Variants in UBASH3B observed in about 807,000 individuals in gnomAD.
UBASH3B encodes ubiquitin associated and SH3 domain containing B, also known as ubiquitin-associated and SH3 domain-containing protein B.
Under a neutral mutation model 83.4 loss-of-function variants are expected in UBASH3B, and 37 were observed. That is an observed-to-expected ratio of 0.44 (90% CI 0.34 to 0.58). The LOEUF is 0.58. Among genes scored for constraint, UBASH3B ranks in the 20% least tolerant of loss-of-function variants. The probability of loss-of-function intolerance (pLI) is 0.01; values close to 1 mark genes in which losing one functional copy is unlikely to be tolerated. For synonymous variants in UBASH3B, 304 were observed against 318.3 expected (o/e 0.96, Z 0.48); for missense variants, 657 against 827.2 (o/e 0.79, Z 2.52).
intron 1 of UBASH3B, among the ~76,000 whole-genome samples, chr11:122,656,450 G>A (rs1355212008): frequency 1.3e-5 from 2 of 152,114 alleles, no homozygotes; most frequent in African/African-American, 4.8e-5. Flanking sequence ...CCTAAAGCTG[G>A]GGGACGAGGG....
chr11:122,724,574 G>A (rs142067015), intron 1 of UBASH3B, among the ~76,000 whole-genome samples: 2 of 140,714 alleles, frequency 1.4e-5, no homozygotes, highest in Non-Finnish European at 3.2e-5. Context: ...ACAGAGGAGC[G>A]GCCAGCTGTG....
intron 1 of UBASH3B, among the ~76,000 whole-genome samples, chr11:122,666,104 G>A (rs1033241985): frequency 1.3e-5 from 2 of 152,240 alleles, no homozygotes; most frequent in Non-Finnish European, 2.9e-5. Flanking sequence ...GGGGGAAGCC[G>A]ACTGCACAGA....
chr11:122,748,708 G>T (rs1360824196), intron 1 of UBASH3B, among the ~76,000 whole-genome samples: 1 of 152,138 alleles, frequency 6.6e-6, no homozygotes, highest in Non-Finnish European at 1.5e-5. Flanking sequence ...CCATCCAAGG[G>T]TCGCAGTGAC....
Position 122,683,380 on chromosome 11 carries a change from C to T in UBASH3B, c.161+27170C>T, listed in dbSNP as rs1032410600. On this transcript the variant is annotated intron_variant, in intron 1 of 13. Coordinates refer to ENST00000284273, the MANE Select transcript of UBASH3B (RefSeq NM_032873.5). ...CTGTAATCCCAGCAGTGTGGGAGGC[C>T]AAGGCGGGCAGATCGCTTGAGGTCA... Among the ~76,000 whole-genome samples, 5 of 151,950 alleles carry T rather than the reference C, an allele frequency of 3.3e-5. No individual in the cohort carries two copies. In the East Asian group the frequency reaches 9.7e-4, roughly 29 times the overall value.
intron 1 of UBASH3B, among the ~76,000 whole-genome samples, chr11:122,741,786 C>T (rs559045827): frequency 6.6e-6 from 1 of 152,274 alleles, no homozygotes; most frequent in South Asian, 2.1e-4. Context: ...CTTCTGGAGT[C>T]AGCAACCCTC....
chr11:122,751,221 A>G (rs1271315480), intron 1 of UBASH3B, among the ~76,000 whole-genome samples: 72 of 152,234 alleles, frequency 4.7e-4, no homozygotes. Flanking sequence ...GAAAAATTAG[A>G]TATTATTTCA....
chr11:122,777,256 C>A (rs1860754107), intron 3 of UBASH3B, 46 bp downstream of exon 3: 3 of 1,556,426 alleles, frequency 1.9e-6, no homozygotes, highest in Non-Finnish European at 1.7e-6. Context: ...CTCCTAGGAT[C>A]CCAGCCGGCC....
chr11:122,751,629 C>G (rs757660201), intron 1 of UBASH3B, among the ~76,000 whole-genome samples: 2 of 152,234 alleles, frequency 1.3e-5, no homozygotes, highest in East Asian at 3.8e-4. Flanking sequence ...TGGCTGCAAC[C>G]TGTTCTCCCC....
intron 1 of UBASH3B, among the ~76,000 whole-genome samples, chr11:122,745,914 C>G (rs529759044): frequency 1.3e-5 from 2 of 152,326 alleles, no homozygotes; most frequent in South Asian, 4.1e-4. Context: ...CACAGCATTA[C>G]GATTATTTGC....
chr11:122,689,615 A>G (rs1392591129), intron 1 of UBASH3B, among the ~76,000 whole-genome samples: 1 of 152,160 alleles, frequency 6.6e-6, no homozygotes, highest in African/African-American at 2.4e-5. Context: ...GACACCAGCT[A>G]GTATCCTCCA....
At chr11:122,780,053 C>G (rs1257860321) in intron 4 of UBASH3B, among the ~76,000 whole-genome samples, 1 of 152,180 alleles carries the variant, frequency 6.6e-6, no homozygotes, top group Non-Finnish European at 1.5e-5. Flanking sequence ...CTCCCAAGCT[C>G]CCGCCCATGT....
intron 1 of UBASH3B, among the ~76,000 whole-genome samples, chr11:122,678,310 C>T (rs1863693022): frequency 6.6e-6 from 1 of 152,194 alleles, no homozygotes; most frequent in African/African-American, 2.4e-5. Flanking sequence ...TCCATCCTGC[C>T]ACAGCCCTGT....
At position 122,799,006 on chromosome 11, in the gene UBASH3B, C is replaced by A; in HGVS notation, c.1422C>A (p.Cys474Ter). ...DHVYCSPSLRCVQTAHNILKG... is the reference protein window; with the variant it reads ...DHVYCSPSLR ...TCTATTGCTCCCCGTCCCTTCGCTGCGTTCAGACTGCACACAATATCTTGA... is the reference window on the plus strand; with the variant it reads ...TCTATTGCTCCCCGTCCCTTCGCTGAGTTCAGACTGCACACAATATCTTGA... Residue 474 changes from cysteine to a stop codon, truncating the protein, a stop_gained, in exon 10 of 14, where the codon TGC becomes TGA. Coordinates refer to ENST00000284273, the MANE Select transcript of UBASH3B (RefSeq NM_032873.5). LOFTEE classifies it high-confidence loss of function. 1 of 1,614,070 alleles carries A rather than the reference C, an allele frequency of 6.2e-7. No individual in the cohort carries two copies. The highest frequency in any genetic ancestry group is 8.5e-7 in the Non-Finnish European group (1 of 1,179,960).
chr11:122,688,631 TTTTATTTTA>T (rs1385610267), intron 1 of UBASH3B, among the ~76,000 whole-genome samples: 1 of 80,350 alleles, frequency 1.2e-5, no homozygotes, highest in African/African-American at 3.2e-5. Flanking sequence ...CTTTCTTTTA[TTTTATTTTA>T]TTTTATTTTA....
In UBASH3B at chr11:122,813,147, T is replaced by G. The variant is rs1861478881; in HGVS notation, c.*3261T>G. 6.6e-6 allele frequency: 1 copy of G among 152,370 alleles called. No individual in the cohort carries two copies. Among genetic ancestry groups the G allele is most frequent in the Non-Finnish European group, 1.5e-5 (1 of 68,056 alleles). The allele number at this position is 152,370 out of a possible 1,614,324, so 9.4% of individuals were successfully genotyped here. On this transcript the variant is annotated 3_prime_UTR_variant, in exon 14 of 14. Coordinates refer to ENST00000284273, the MANE Select transcript of UBASH3B (RefSeq NM_032873.5). ...GCCTTCTGGAGTGATGTCTGTTTGGTAAATCATTGTTGATAATTTCCTTGT... is the reference window on the plus strand; with the variant it reads ...GCCTTCTGGAGTGATGTCTGTTTGGGAAATCATTGTTGATAATTTCCTTGT...
intron 5 of UBASH3B, among the ~76,000 whole-genome samples, chr11:122,783,433 C>A (rs1231214024): frequency 6.6e-6 from 1 of 152,090 alleles, no homozygotes; most frequent in African/African-American, 2.4e-5. Flanking sequence ...ACAAGTGGTT[C>A]ATCTGGGTAA....
chr11:122,710,783 A>G (rs1227596898), intron 1 of UBASH3B, among the ~76,000 whole-genome samples: 1 of 150,794 alleles, frequency 6.6e-6, no homozygotes, highest in Non-Finnish European at 1.5e-5. Flanking sequence ...CATGCCGCAT[A>G]CCACTTCCCT....
intron 1 of UBASH3B, among the ~76,000 whole-genome samples, chr11:122,669,222 C>T (rs1444059153): frequency 4.6e-5 from 7 of 152,186 alleles, no homozygotes; most frequent in East Asian, 1.9e-4. Flanking sequence ...CATAGGCTAA[C>T]GTCAACGCGT....
In UBASH3B at chr11:122,796,968, G is replaced by A. The variant is rs1173661779; in HGVS notation, c.1292G>A (p.Gly431Asp). The A allele has an allele frequency of 1.2e-6, 2 of 1,614,088 alleles. No homozygotes were observed. Among genetic ancestry groups the A allele is most frequent in the East Asian group, 2.2e-5 (1 of 44,866 alleles). ...CATAGTTTACCTCAGCGGAGTGGTG[G>A]TTTCCGAGATTACGAGAAAGATGCT... ...MPHSLPQRSG[G>D]FRDYEKDAPI... is the part of the protein sequence containing the mutation. The change falls in exon 9 of 14, where the codon GGT becomes GAT. Residue 431 changes from glycine to aspartate, a missense_variant. This residue lies in a region of UBASH3B where 573 missense variants were observed against 739.0 expected (regional missense o/e 0.78). Coordinates refer to ENST00000284273, the MANE Select transcript of UBASH3B (RefSeq NM_032873.5).
Sources: gnomAD v4.1 joint callset for allele counts (sites outside exome capture counted in the v4.1 genomes callset) on GRCh38, gnomAD v4.1.1 for gene constraint, gnomAD v4.1.1 regional missense constraint, MANE v1.5 for transcripts, NCBI Gene and HGNC (gene_info 2026-07-23, HGNC 2026-07-21) for gene names.